The following SMCHD1 variants were observed in gnomAD, a reference collection of about 807,000 sequenced individuals.
SMCHD1 encodes structural maintenance of chromosomes flexible hinge domain containing 1.
SMCHD1 carries 78 observed loss-of-function variants against 254.7 expected under a neutral mutation model. That is an observed-to-expected ratio of 0.31 (90% CI 0.26 to 0.37). The LOEUF is 0.37. Ranked by LOEUF, SMCHD1 falls within the 10% of genes least tolerant of loss-of-function variation. The probability of loss-of-function intolerance (pLI) is 1.00; values close to 1 mark genes in which losing one functional copy is unlikely to be tolerated. For synonymous variants in SMCHD1, 766 were observed against 794.9 expected (o/e 0.96, Z 0.61); for missense variants, 1,840 against 2,408.1 (o/e 0.76, Z 4.94).
intron 5 of SMCHD1, among the ~76,000 whole-genome samples, chr18:2,683,988 G>T (rs656929): frequency 1.3e-5 from 2 of 151,972 alleles, no homozygotes; most frequent in Admixed American, 1.3e-4. Context: ...TTCATTTAGC[G>T]TCTTTGTATT....
chr18:2,728,223 A>G, intron 22 of SMCHD1: 1 of 418,838 alleles, frequency 2.4e-6, no homozygotes, highest in Non-Finnish European at 4.2e-6. Context: ...ACCTTGTGGA[A>G]TAAAACTTAG....
intron 47 of SMCHD1, among the ~76,000 whole-genome samples, chr18:2,797,232 C>A (rs1568410923): frequency 6.6e-6 from 1 of 152,134 alleles, no homozygotes; most frequent in Non-Finnish European, 1.5e-5. Context: ...ATCACCAAAC[C>A]ATTTTGGCCA....
At chr18:2,746,331 GACT>G (rs1408538464) in intron 29 of SMCHD1, among the ~76,000 whole-genome samples, 2 of 152,152 alleles carry the variant, frequency 1.3e-5, no homozygotes, top group Admixed American at 1.3e-4. Context: ...TAGCAGTTTG[GACT>G]ACAAGTCATT....
chr18:2,771,079 C>A (rs2075976011), intron 39 of SMCHD1, among the ~76,000 whole-genome samples: 1 of 152,116 alleles, frequency 6.6e-6, no homozygotes, highest in South Asian at 2.1e-4. Flanking sequence ...GAAATATTTA[C>A]CGCTTGCCTC....
At chr18:2,769,203 C>T (rs1178650408) in intron 37 of SMCHD1, among the ~76,000 whole-genome samples, 1 of 152,050 alleles carries the variant, frequency 6.6e-6, no homozygotes, top group African/African-American at 2.4e-5. Flanking sequence ...ATCTTTAGAG[C>T]TTTTCAAAAT....
At chr18:2,657,433 A>G (rs936991801) in intron 1 of SMCHD1, among the ~76,000 whole-genome samples, 15 of 152,368 alleles carry the variant, frequency 9.8e-5, no homozygotes, top group African/African-American at 3.4e-4. Context: ...ATGAATGCTC[A>G]TCTTTTTTGT....
chr18:2,803,623 G>A lies in SMCHD1; in HGVS notation c.*1071G>A, dbSNP rs1261530275. ...TTTCTTCCCTACTGAATAGATAAGT[G>A]TTTTTCTTTTTTAAAATTGGAAGCT... On this transcript the variant is annotated 3_prime_UTR_variant, in exon 48 of 48. Transcript: ENST00000320876. 1.3e-5 allele frequency: 2 copies of A among 152,020 alleles called. No homozygotes were observed. Among genetic ancestry groups the A allele is most frequent in the African/African-American group, 4.8e-5 (2 of 41,404 alleles). 9.4% of individuals were successfully genotyped at this position (152,020 alleles called of 1,614,324 possible). A position where few individuals can be genotyped will look rare whatever the true frequency, so the allele number is the denominator to read the frequency against.
At chr18:2,791,259 C>T (rs1318407524) in intron 45 of SMCHD1, among the ~76,000 whole-genome samples, 1 of 152,152 alleles carries the variant, frequency 6.6e-6, no homozygotes, top group Non-Finnish European at 1.5e-5. Flanking sequence ...CTGCTTCTCA[C>T]CAAGATGGAA....
At chr18:2,790,009 C>G (rs62077719) in intron 45 of SMCHD1, among the ~76,000 whole-genome samples, 29,391 of 151,940 alleles carry the variant, frequency 0.19, 3,085 homozygotes, top group Admixed American at 0.26. Flanking sequence ...TGGTGAAACC[C>G]CGTCTCTACT....
intron 41 of SMCHD1, among the ~76,000 whole-genome samples, chr18:2,772,651 G>A (rs935154915): frequency 4.6e-5 from 7 of 152,180 alleles, no homozygotes; most frequent in Non-Finnish European, 8.8e-5. Flanking sequence ...TCTGTTTTTG[G>A]AGGGGGAGAC....
chr18:2,690,806 T>C (rs1016970448), intron 7 of SMCHD1, among the ~76,000 whole-genome samples: 1 of 152,076 alleles, frequency 6.6e-6, no homozygotes, highest in African/African-American at 2.4e-5. Flanking sequence ...TTTTAAATGT[T>C]CATGGCATGT....
At chr18:2,788,258 G>GA (rs996080547) in intron 45 of SMCHD1, among the ~76,000 whole-genome samples, 5 of 151,416 alleles carry the variant, frequency 3.3e-5, no homozygotes, top group East Asian at 1.9e-4. Flanking sequence ...CAGAGCATAA[G>GA]AAAAAAAAAT....
chr18:2,714,358 A>G (rs2074749623), intron 17 of SMCHD1, among the ~76,000 whole-genome samples: 1 of 152,006 alleles, frequency 6.6e-6, no homozygotes, highest in South Asian at 2.1e-4. Context: ...TCAGTCTATA[A>G]TTGTCTTTAT....
chr18:2,700,996 GT>G, intron 12 of SMCHD1, 78 bp downstream of exon 12: 1 of 1,080,324 alleles, frequency 9.3e-7, no homozygotes, highest in Non-Finnish European at 1.3e-6. Flanking sequence ...AGCAGTGTAG[GT>G]TTTTATTGAT....
chr18:2,705,304 G>A (rs2074488495), intron 13 of SMCHD1, among the ~76,000 whole-genome samples: 1 of 152,116 alleles, frequency 6.6e-6, no homozygotes, highest in East Asian at 1.9e-4. Context: ...TTGAGCTGAT[G>A]TATTTGAAAA....
intron 1 of SMCHD1, among the ~76,000 whole-genome samples, chr18:2,663,665 A>G (rs1477396492): frequency 6.6e-6 from 1 of 151,452 alleles, no homozygotes; most frequent in African/African-American, 2.4e-5. Context: ...CTGCATCCAT[A>G]TATATGTGGA....
rs569178487 is a variant in SMCHD1 at position 2,670,739 on chromosome 18, A to C, written c.425-2542A>C. On this transcript the variant is annotated intron_variant, in intron 3 of 47. Coordinates refer to ENST00000320876, the MANE Select transcript of SMCHD1 (RefSeq NM_015295.3). ...AACATGGTGAAACCCCGTCTCTACT[A>C]AAAGTACAAAAATTGGCCAGGCGTG... Among the ~76,000 whole-genome samples the C allele has an allele frequency of 4.6e-5, 7 of 151,870 alleles. No individual in the cohort carries two copies. In the South Asian group the frequency reaches 6.2e-4, roughly 14 times the overall value.
intron 17 of SMCHD1, among the ~76,000 whole-genome samples, chr18:2,709,228 A>G (rs890625837): frequency 4.6e-5 from 5 of 108,930 alleles, no homozygotes; most frequent in African/African-American, 6.8e-5. Flanking sequence ...ATATGTGTAT[A>G]TGTGTATATA....
chr18:2,667,539 A>G (rs2073473332), intron 3 of SMCHD1, among the ~76,000 whole-genome samples: 1 of 152,182 alleles, frequency 6.6e-6, no homozygotes, highest in African/African-American at 2.4e-5. Context: ...CCTCTCTTTC[A>G]GGACTTGCCA....
Sources: gnomAD v4.1 joint callset for allele counts (sites outside exome capture counted in the v4.1 genomes callset) on GRCh38, gnomAD v4.1.1 for gene constraint, MANE v1.5 for transcripts, NCBI Gene and HGNC (gene_info 2026-07-23, HGNC 2026-07-21) for gene names.